The following CREB1 variants were observed in gnomAD, a reference collection of about 807,000 sequenced individuals.
CREB1 encodes the protein cAMP responsive element binding protein 1.
Under a neutral mutation model 42.0 loss-of-function variants are expected in CREB1, and 2 were observed. That is an observed-to-expected ratio of 0.05 (90% CI 0.02 to 0.15). The LOEUF is 0.15. Ranked by LOEUF, CREB1 falls within the 10% of genes least tolerant of loss-of-function variation. The pLI, the probability that CREB1 is intolerant of heterozygous loss-of-function variation, is 1.00. For missense variants in CREB1, 199 were observed against 388.9 expected (o/e 0.51, Z 4.11); for synonymous variants, 123 against 139.9 (o/e 0.88, Z 0.85).
At chr2:207,536,824 T>C (rs2080892714) in intron 1 of CREB1, among the ~76,000 whole-genome samples, 1 of 151,808 alleles carries the variant, frequency 6.6e-6, no homozygotes, top group African/African-American at 2.4e-5. Context: ...ACCCCATCTC[T>C]ACTAAAAATA....
Position 207,603,384 on chromosome 2 carries a change from T to C in CREB1, c.*6326T>C, listed in dbSNP as rs1163261903. 4.4e-6 allele frequency: 1 copy of C among 224,860 alleles called. No individual in the cohort carries two copies. The highest frequency in any genetic ancestry group is 8.9e-6 in the Non-Finnish European group (1 of 112,870). 13.9% of individuals were successfully genotyped at this position (224,860 alleles called of 1,614,324 possible). On this transcript the variant is annotated 3_prime_UTR_variant, in exon 8 of 8. Transcript: ENST00000353267. ...GGTATCAACTGTCATAATGCTCTTT[T>C]TACACAAACATTTATGTGCAGTCAC...
At chr2:207,561,089 G>C in intron 3 of CREB1, 1 of 1,608,782 alleles carries the variant, frequency 6.2e-7, no homozygotes, top group Non-Finnish European at 8.5e-7. Flanking sequence ...CATAACCCCA[G>C]CCTCCCATTT....
Position 207,603,214 on chromosome 2 carries a change from C to T in CREB1, c.*6156C>T, listed in dbSNP as rs2087408168. The T allele has an allele frequency of 4.6e-6, 1 of 217,030 alleles. No individual in the cohort carries two copies. The highest frequency in any genetic ancestry group is 9.3e-6 in the Non-Finnish European group (1 of 107,990). 13.4% of individuals were successfully genotyped at this position (217,030 alleles called of 1,614,324 possible). A position where few individuals can be genotyped will look rare whatever the true frequency, so the allele number is the denominator to read the frequency against. On this transcript the variant is annotated 3_prime_UTR_variant, in exon 8 of 8. Transcript: ENST00000353267. ...CTTTATGTGTAAAGAAAAAAATGTA[C>T]TGAGTTACAATGCATTTTATTAACA...
intron 7 of CREB1, chr2:207,582,763 C>A: frequency 4.9e-6 from 1 of 204,042 alleles, no homozygotes; most frequent in Non-Finnish European, 1.0e-5. Context: ...GGTGGTGGTG[C>A]ACGCTTGTAA....
At chr2:207,532,679 A>AAG (rs1033898060) in intron 1 of CREB1, among the ~76,000 whole-genome samples, 1 of 152,104 alleles carries the variant, frequency 6.6e-6, no homozygotes, top group Non-Finnish European at 1.5e-5. Flanking sequence ...CAAAAAAAAA[A>AAG]AAGTTTACTG....
intron 5 of CREB1, 79 bp downstream of exon 5, chr2:207,570,400 G>A: frequency 7.3e-7 from 1 of 1,375,580 alleles, no homozygotes; most frequent in Non-Finnish European, 9.9e-7. Context: ...ATTCTCTTCA[G>A]AGAAACCAAT....
At chr2:207,558,665 A>G (rs1313474687) in intron 2 of CREB1, among the ~76,000 whole-genome samples, 4 of 126,534 alleles carry the variant, frequency 3.2e-5, no homozygotes, top group Admixed American at 8.4e-5. Context: ...TTTTTTTGAG[A>G]TGGAGTTTTG....
At position 207,602,300 on chromosome 2, in the gene CREB1, G is replaced by T; in HGVS notation, c.*5242G>T. Reference sequence around the variant, plus strand: ...TGATGCAAGTTGATATTATAAACAGGCAGTTTTAGCACAGAAAGAAAATAC... The same window carrying T: ...TGATGCAAGTTGATATTATAAACAGTCAGTTTTAGCACAGAAAGAAAATAC... On this transcript the variant is annotated 3_prime_UTR_variant, in exon 8 of 8. Transcript: ENST00000353267. The T allele has an allele frequency of 5.2e-6, 1 of 194,154 alleles. No homozygotes were observed. Among genetic ancestry groups the T allele is most frequent in the Non-Finnish European group, 1.1e-5 (1 of 93,130 alleles). The allele number at this position is 194,154 out of a possible 1,614,324, so 12.0% of individuals were successfully genotyped here. A position where few individuals can be genotyped will look rare whatever the true frequency, so the allele number is the denominator to read the frequency against.
chr2:207,565,137 C>T lies in CREB1; in HGVS notation c.262-2326C>T, dbSNP rs2082094763. ...CCCTCCCCAACTCCATGGATAGCTT[C>T]CCCTGTTCTTAACATCCTCCCCCAG... On this transcript the variant is annotated intron_variant, in intron 3 of 7. Transcript: ENST00000353267. 2.6e-5 allele frequency among the ~76,000 whole-genome samples: 4 copies of T among 151,820 alleles called. No individual in the cohort carries two copies. The South Asian group carries it at 6.2e-4, about 24-fold the overall frequency.
chr2:207,545,285 G>A (rs2081260132), intron 1 of CREB1, among the ~76,000 whole-genome samples: 1 of 152,136 alleles, frequency 6.6e-6, no homozygotes, highest in African/African-American at 2.4e-5. Context: ...TCGGCTCACT[G>A]CAACCTCTGT....
intron 3 of CREB1, chr2:207,561,021 T>C: frequency 9.5e-7 from 1 of 1,047,380 alleles, no homozygotes; most frequent in Non-Finnish European, 1.5e-6. Context: ...GAGAGCAGTA[T>C]AGATCATTGC....
At chr2:207,569,104 A>G (rs961029805) in intron 4 of CREB1, among the ~76,000 whole-genome samples, 3 of 152,122 alleles carry the variant, frequency 2.0e-5, no homozygotes, top group Admixed American at 6.5e-5. Context: ...TGGATGTACC[A>G]TAGTTGATTC....
rs1288304845 is a variant in CREB1, at chr2:207,597,609, GAATTAGA to G, written c.*555_*561del. 5 of 209,004 alleles carry G rather than the reference GAATTAGA, an allele frequency of 2.4e-5. No individual in the cohort carries two copies. Among genetic ancestry groups the G allele is most frequent in the Non-Finnish European group, 3.9e-5 (4 of 102,574 alleles). 12.9% of individuals were successfully genotyped at this position (209,004 alleles called of 1,614,324 possible). On this transcript the variant is annotated 3_prime_UTR_variant, in exon 8 of 8. Transcript: ENST00000353267. ...AAAGAACTTTAGCATGGTATTGAAG[GAATTAGA>G]AATGAATTTGGAGTGCTTTTTATGT...
chr2:207,563,451 G>T (rs192809101), intron 3 of CREB1, among the ~76,000 whole-genome samples: 1 of 152,282 alleles, frequency 6.6e-6, no homozygotes, highest in Non-Finnish European at 1.5e-5. Context: ...CCAGGGAGAT[G>T]AAAATAATAA....
At chr2:207,550,804 A>G (rs2081474909) in intron 1 of CREB1, among the ~76,000 whole-genome samples, 1 of 152,206 alleles carries the variant, frequency 6.6e-6, no homozygotes, top group Non-Finnish European at 1.5e-5. Context: ...ATGCTACTTT[A>G]TTAGTAAGAG....
intron 1 of CREB1, among the ~76,000 whole-genome samples, chr2:207,535,115 T>A (rs2080815456): frequency 6.6e-6 from 1 of 152,238 alleles, no homozygotes; most frequent in Non-Finnish European, 1.5e-5. Context: ...CCATCTTGCC[T>A]TTATTTCTTT....
At chr2:207,552,002 A>T (rs1477247379) in intron 1 of CREB1, among the ~76,000 whole-genome samples, 1 of 130,792 alleles carries the variant, frequency 7.6e-6, no homozygotes, top group Non-Finnish European at 1.6e-5. Context: ...AGATCGAGCC[A>T]TTGCACTCCA....
intron 1 of CREB1, chr2:207,550,390 A>G (rs960150436): frequency 3.9e-5 from 4 of 103,262 alleles, no homozygotes; most frequent in Non-Finnish European, 6.1e-5. Flanking sequence ...TGAATGTATT[A>G]TTTCTTTAGA....
At chr2:207,538,192 T>C (rs933393311) in intron 1 of CREB1, among the ~76,000 whole-genome samples, 3 of 151,864 alleles carry the variant, frequency 2.0e-5, no homozygotes, top group African/African-American at 4.9e-5. Flanking sequence ...TTTGCCCAGA[T>C]GTTTCCTCAT....
Sources: allele counts gnomAD v4.1 joint callset (sites outside exome capture counted in the v4.1 genomes callset), GRCh38; gene constraint gnomAD v4.1.1; transcripts MANE v1.5; gene names NCBI Gene and HGNC (gene_info 2026-07-23, HGNC 2026-07-21).